The following TAFA1 variants were observed in gnomAD, a reference collection of about 807,000 sequenced individuals.
TAFA1 encodes chemokine-like protein TAFA-1.
TAFA1 carries 4 observed loss-of-function variants against 18.5 expected under a neutral mutation model. The observed-to-expected ratio is 0.22, with a 90% CI of 0.11 to 0.49. The LOEUF (loss-of-function observed/expected upper bound fraction) is 0.49, where lower values mean the gene tolerates loss of function less well. Among genes scored for constraint, TAFA1 ranks in the 20% least tolerant of loss-of-function variants. The pLI is 0.98. For missense variants in TAFA1, 147 were observed against 169.0 expected, an observed-to-expected ratio of 0.87 and a Z score of 0.72; for synonymous variants, 56 against 55.2, an observed-to-expected ratio of 1.01 and a Z score of -0.06.
chr3:68,007,740 G>T (rs1704388352), intron 2 of TAFA1, among the ~76,000 whole-genome samples: 2 of 151,636 alleles, frequency 1.3e-5, no homozygotes, highest in East Asian at 1.9e-4. Context: ...TCCCATCAAT[G>T]GCCTCCTCCC....
intron 2 of TAFA1, among the ~76,000 whole-genome samples, chr3:68,313,641 G>T (rs1442837691): frequency 6.6e-6 from 1 of 152,192 alleles, no homozygotes; most frequent in Non-Finnish European, 1.5e-5. Context: ...TATCCCCTCA[G>T]ATGTATTATC....
chr3:68,379,031 A>G (rs1363718782), intron 2 of TAFA1, among the ~76,000 whole-genome samples: 1 of 152,168 alleles, frequency 6.6e-6, no homozygotes, highest in South Asian at 2.1e-4. Context: ...CACCCAGTAA[A>G]GAGATTGTTG....
intron 2 of TAFA1, among the ~76,000 whole-genome samples, chr3:68,244,056 C>T (rs1318588566): frequency 6.6e-6 from 1 of 152,100 alleles, no homozygotes; most frequent in South Asian, 2.1e-4. Context: ...AACATCTTTT[C>T]GTATGCTTGG....
chr3:68,036,308 G>A (rs144467518), intron 2 of TAFA1, among the ~76,000 whole-genome samples: 8 of 151,978 alleles, frequency 5.3e-5, no homozygotes, highest in Non-Finnish European at 1.0e-4. Context: ...GCATGGTGGT[G>A]TGCACCTGTA....
intron 2 of TAFA1, among the ~76,000 whole-genome samples, chr3:68,065,906 G>A (rs1230627499): frequency 6.6e-6 from 1 of 152,050 alleles, no homozygotes; most frequent in Non-Finnish European, 1.5e-5. Context: ...ACAATAGGAT[G>A]CTCAGCAATA....
intron 2 of TAFA1, among the ~76,000 whole-genome samples, chr3:68,087,568 CTCCTTCCGTCCT>C (rs1296794023): frequency 6.9e-6 from 1 of 144,756 alleles, no homozygotes; most frequent in East Asian, 2.0e-4. Context: ...CCCTCCCTCC[CTCCTTCCGTCCT>C]TCCTTCCTTC....
chr3:68,020,839 C>A (rs1190083105), intron 2 of TAFA1, among the ~76,000 whole-genome samples: 1 of 152,052 alleles, frequency 6.6e-6, no homozygotes, highest in Non-Finnish European at 1.5e-5. Flanking sequence ...ATCCTTCCTT[C>A]CAAAAGTACA....
chr3:68,307,136 T>C (rs916851612), intron 2 of TAFA1, among the ~76,000 whole-genome samples: 25 of 152,188 alleles, frequency 1.6e-4, no homozygotes, highest in African/African-American at 5.8e-4. Flanking sequence ...CCCTAGCCCA[T>C]AGCAGTGTGC....
intron 2 of TAFA1, among the ~76,000 whole-genome samples, chr3:68,037,035 C>T (rs897212566): frequency 1.3e-5 from 2 of 152,026 alleles, no homozygotes; most frequent in Non-Finnish European, 2.9e-5. Flanking sequence ...AGCTATGTCA[C>T]GATAATTGCA....
intron 2 of TAFA1, among the ~76,000 whole-genome samples, chr3:68,204,872 T>C (rs1404823959): frequency 6.6e-6 from 1 of 151,846 alleles, no homozygotes; most frequent in Admixed American, 6.6e-5. Context: ...CTACAGCCTG[T>C]TCTCACTGTA....
At position 68,229,956 on chromosome 3, in the gene TAFA1, CT is replaced by C. The variant is rs894372107; in HGVS notation, c.119-187316del. ...CCTATGGTGATGGCTTAATAAGTAA[CT>C]TTTTTTTAATTTTTATTTTTTACTT... On this transcript the variant is annotated intron_variant, in intron 2 of 4. Transcript: ENST00000478136. Among the ~76,000 whole-genome samples, 8 of 151,910 alleles carry C rather than the reference CT, an allele frequency of 5.3e-5. No individual in the cohort carries two copies. The South Asian group carries it at 6.2e-4, about 12-fold the overall frequency.
intron 3 of TAFA1, among the ~76,000 whole-genome samples, chr3:68,447,237 T>C (rs1037249325): frequency 3.3e-5 from 5 of 152,160 alleles, no homozygotes; most frequent in African/African-American, 1.2e-4. Flanking sequence ...GTGGTAAGAT[T>C]ATTCTATTTT....
At chr3:68,259,891 A>T (rs1247782180) in intron 2 of TAFA1, among the ~76,000 whole-genome samples, 2 of 152,114 alleles carry the variant, frequency 1.3e-5, no homozygotes, top group Non-Finnish European at 2.9e-5. Flanking sequence ...AAACAGGGAC[A>T]ATTTGACTTC....
At chr3:68,362,839 T>C (rs1340924812) in intron 2 of TAFA1, among the ~76,000 whole-genome samples, 2 of 152,058 alleles carry the variant, frequency 1.3e-5, no homozygotes, top group African/African-American at 2.4e-5. Context: ...AAACACATTT[T>C]ACTCTGAAAT....
intron 2 of TAFA1, among the ~76,000 whole-genome samples, chr3:68,382,713 C>A (rs1041963452): frequency 2.0e-5 from 3 of 151,928 alleles, no homozygotes; most frequent in Non-Finnish European, 4.4e-5. Context: ...TCCATATGAA[C>A]TTTAAAATAC....
At chr3:68,235,981 T>G (rs1309903202) in intron 2 of TAFA1, among the ~76,000 whole-genome samples, 1 of 152,206 alleles carries the variant, frequency 6.6e-6, no homozygotes, top group African/African-American at 2.4e-5. Flanking sequence ...GCTCTAAATA[T>G]TCCTTATTTG....
intron 2 of TAFA1, among the ~76,000 whole-genome samples, chr3:68,153,648 T>A (rs180690853): frequency 3.7e-4 from 57 of 152,270 alleles, no homozygotes; most frequent in African/African-American, 1.3e-3. Context: ...GAGAACTTCA[T>A]GGGTTGGTTA....
intron 2 of TAFA1, among the ~76,000 whole-genome samples, chr3:68,142,439 G>A (rs764054889): frequency 3.9e-5 from 6 of 152,130 alleles, no homozygotes; most frequent in African/African-American, 7.2e-5. Context: ...TTAGTGTGGC[G>A]CCCAGAGCTC....
At chr3:68,184,605 T>C (rs923910104) in intron 2 of TAFA1, among the ~76,000 whole-genome samples, 1 of 152,130 alleles carries the variant, frequency 6.6e-6, no homozygotes, top group Non-Finnish European at 1.5e-5. Flanking sequence ...AGCAGGACTA[T>C]TGATTAGCTC....
Sources: gnomAD v4.1 joint callset for allele counts (sites outside exome capture counted in the v4.1 genomes callset) on GRCh38, gnomAD v4.1.1 for gene constraint, MANE v1.5 for transcripts, NCBI Gene and HGNC (gene_info 2026-07-23, HGNC 2026-07-21) for gene names.